The following HDAC9 variants were observed in gnomAD, a reference collection of about 807,000 sequenced individuals.
The protein encoded by HDAC9 is MEF-2 interacting transcription repressor (MITR) protein.
A neutral mutation model predicts 139.4 loss-of-function variants in HDAC9; 41 were observed. The ratio of observed to expected loss-of-function variants is 0.29; its 90% confidence interval spans 0.23 to 0.38. The LOEUF (loss-of-function observed/expected upper bound fraction) is 0.38, where lower values mean the gene tolerates loss of function less well. Among genes scored for constraint, HDAC9 ranks in the 10% least tolerant of loss-of-function variants. The pLI, the probability that HDAC9 is intolerant of heterozygous loss-of-function variation, is 1.00. For missense variants in HDAC9, 1,147 were observed against 1,297.0 expected (o/e 0.88, Z 1.78); for synonymous variants, 517 against 476.2 (o/e 1.09, Z -1.12).
At chr7:18,574,684 G>A (rs556976926) in intron 2 of HDAC9, among the ~76,000 whole-genome samples, 1 of 152,346 alleles carries the variant, frequency 6.6e-6, no homozygotes, top group South Asian at 2.1e-4. Flanking sequence ...GCTCTTTGGT[G>A]CCCAAGTCCA....
Position 18,569,198 on chromosome 7 carries a change from G to T in HDAC9, c.23-16083G>T, listed in dbSNP as rs148364335. On this transcript the variant is annotated intron_variant, in intron 2 of 25. Coordinates refer to ENST00000686413, the MANE Select transcript of HDAC9 (RefSeq NM_178425.4). Reference sequence around the variant, plus strand: ...TGGCATTCAATTCTGACTTTTTAGTGCAAAAGCAGCTATACACAGTAAGTC... The same window carrying T: ...TGGCATTCAATTCTGACTTTTTAGTTCAAAAGCAGCTATACACAGTAAGTC... Among the ~76,000 whole-genome samples, 1,433 of 152,250 alleles carry T rather than the reference G, an allele frequency of 9.4e-3. 5 individuals carry two copies. The highest frequency in any genetic ancestry group is 0.015 in the Non-Finnish European group (1,017 of 68,006).
At chr7:18,498,745 C>T (rs1797612902) in intron 2 of HDAC9, among the ~76,000 whole-genome samples, 1 of 151,994 alleles carries the variant, frequency 6.6e-6, no homozygotes, top group East Asian at 1.9e-4. Context: ...TTTTACTCAT[C>T]TTCAAACTGA....
At chr7:18,239,797 C>T (rs775840232) in intron 2 of HDAC9, among the ~76,000 whole-genome samples, 1 of 152,056 alleles carries the variant, frequency 6.6e-6, no homozygotes, top group Non-Finnish European at 1.5e-5. Context: ...TTAATAGTTC[C>T]TGGAATTTTA....
At chr7:18,216,680 A>G (rs1792338667) in intron 2 of HDAC9, among the ~76,000 whole-genome samples, 1 of 152,138 alleles carries the variant, frequency 6.6e-6, no homozygotes, top group African/African-American at 2.4e-5. Context: ...GGGATTTCTG[A>G]TGTAAACACA....
Position 18,513,913 on chromosome 7 carries a change from A to G in HDAC9, c.22+17589A>G, listed in dbSNP as rs531997474. On this transcript the variant is annotated intron_variant, in intron 2 of 25. Coordinates refer to ENST00000686413, the MANE Select transcript of HDAC9 (RefSeq NM_178425.4). ...TTTGATACTGCTAGTTTATAATCCTACAGATTTTAGGTTTAGAAACCCATT... is the reference window on the plus strand; with the variant it reads ...TTTGATACTGCTAGTTTATAATCCTGCAGATTTTAGGTTTAGAAACCCATT... Among the ~76,000 whole-genome samples the G allele has an allele frequency of 1.5e-4, 23 of 152,332 alleles. No homozygotes were observed. The South Asian group carries it at 4.6e-3, about 30-fold the overall frequency.
chr7:18,245,138 T>C (rs1460225035), intron 2 of HDAC9, among the ~76,000 whole-genome samples: 2 of 152,142 alleles, frequency 1.3e-5, no homozygotes, highest in Non-Finnish European at 2.9e-5. Flanking sequence ...GTGGGGCCAA[T>C]TTGATTTGGA....
At chr7:18,111,590 A>G (rs979447627) in intron 1 of HDAC9, among the ~76,000 whole-genome samples, 6 of 152,220 alleles carry the variant, frequency 3.9e-5, no homozygotes, top group African/African-American at 1.2e-4. Context: ...TCGTCTCTAT[A>G]TTACTAATAA....
intron 1 of HDAC9, among the ~76,000 whole-genome samples, chr7:18,327,010 T>C (rs2128642808): frequency 6.6e-6 from 1 of 152,024 alleles, no homozygotes; most frequent in East Asian, 1.9e-4. Context: ...GAAGGAATTC[T>C]TTTTTTATAG....
Position 18,593,908 on chromosome 7 carries a change from G to A in HDAC9, c.543G>A (p.Thr181=). 6.2e-7 allele frequency: 1 copy of A among 1,612,310 alleles called. No individual in the cohort carries two copies. The highest frequency in any genetic ancestry group is 1.3e-5 in the African/African-American group (1 of 74,880). The stretch of plus-strand genomic sequence containing the variant: ...AGTGAAACTTCCTTGTCTTTTCTAG[G>A]GCTGCCCACCACACATCATTGGATC... ...SVSRHPKLWY[T]AAHHTSLDQS... is the part of the protein sequence containing the mutation. Residue 181 remains threonine, a splice_region_variant and synonymous_variant, in exon 6 of 26, where the codon ACG becomes ACA. Coordinates refer to ENST00000686413, the MANE Select transcript of HDAC9 (RefSeq NM_178425.4).
intron 12 of HDAC9, among the ~76,000 whole-genome samples, chr7:18,711,427 T>C (rs950982122): frequency 1.3e-5 from 2 of 152,194 alleles, no homozygotes; most frequent in Non-Finnish European, 2.9e-5. Flanking sequence ...TGTTTACAAA[T>C]AAGCTCATAT....
intron 1 of HDAC9, among the ~76,000 whole-genome samples, chr7:18,120,490 C>G (rs992119032): frequency 6.6e-6 from 1 of 152,146 alleles, no homozygotes; most frequent in Non-Finnish European, 1.5e-5. Context: ...TCCCCAAACA[C>G]AAACCTTTTC....
At chr7:18,468,853 G>C (rs1378923403) in intron 1 of HDAC9, among the ~76,000 whole-genome samples, 1 of 152,130 alleles carries the variant, frequency 6.6e-6, no homozygotes, top group Non-Finnish European at 1.5e-5. Flanking sequence ...TATATTCTCT[G>C]AGCCTCCAGA....
In HDAC9 at chr7:18,735,947, C is replaced by T. The variant is rs138679318; in HGVS notation, c.1909+8190C>T. ...TGTAGCTCTCCTTGAAGAGGTGTTT[C>T]ACATCCCTTGTAAGTTGTATTTCTA... On this transcript the variant is annotated intron_variant, in intron 13 of 25. Transcript: ENST00000686413. 8.6e-3 allele frequency among the ~76,000 whole-genome samples: 1,306 copies of T among 152,254 alleles called. 11 individuals carry two copies. Among genetic ancestry groups the T allele is most frequent in the African/African-American group, 0.024 (1,016 of 41,548 alleles).
chr7:18,516,116 C>G (rs1348348627), intron 2 of HDAC9, among the ~76,000 whole-genome samples: 3 of 152,124 alleles, frequency 2.0e-5, no homozygotes, highest in African/African-American at 7.2e-5. Context: ...ACAAAAATGG[C>G]TTTGCAGCTG....
intron 25 of HDAC9, among the ~76,000 whole-genome samples, chr7:18,994,585 A>C (rs1251281098): frequency 1.3e-5 from 2 of 152,052 alleles, no homozygotes; most frequent in Non-Finnish European, 2.9e-5. Flanking sequence ...ACAATAAATA[A>C]TGAAGACTTA....
chr7:18,591,517 G>T lies in HDAC9; in HGVS notation c.417G>T (p.Arg139Ser). Reference protein sequence around the residue: ...PLRGKDRGRERAVASTEVKQK... With the variant: ...PLRGKDRGRESAVASTEVKQK... ...TGTGTGTGTGTGTGTGTATTTCAGG[G>T]GCAGTGGCAAGTACAGAAGTAAAGC... Residue 139 changes from arginine to serine, a missense_variant and splice_region_variant, in exon 5 of 26, where the codon AGG becomes AGT. This residue lies in a region of HDAC9 where 136 missense variants were observed against 183.5 expected (regional missense o/e 0.74). Transcript: ENST00000686413. 3.2e-6 allele frequency: 5 copies of T among 1,569,772 alleles called. No individual in the cohort carries two copies. Among genetic ancestry groups the T allele is most frequent in the Non-Finnish European group, 4.3e-6 (5 of 1,158,596 alleles).
chr7:18,491,084 T>A (rs1796331428), upstream of HDAC9, among the ~76,000 whole-genome samples: 1 of 151,958 alleles, frequency 6.6e-6, no homozygotes, highest in South Asian at 2.1e-4. Flanking sequence ...TTTGCTTGTT[T>A]CCAGTTATCA....
chr7:18,330,043 C>T lies in HDAC9; in HGVS notation c.-42+39528C>T, dbSNP rs113481630. Among the ~76,000 whole-genome samples the T allele has an allele frequency of 6.6e-3, 999 of 151,250 alleles. 11 individuals are homozygous for T. The highest frequency in any genetic ancestry group is 0.023 in the African/African-American group (931 of 41,278). On this transcript the variant is annotated intron_variant, in intron 1 of 3. Transcript: ENST00000413509. ...GAATAATGGGAAGGTATGATACCCACCTCTCATACCTTGATGCTTTGGGAA... is the reference window on the plus strand; with the variant it reads ...GAATAATGGGAAGGTATGATACCCATCTCTCATACCTTGATGCTTTGGGAA...
chr7:18,600,009 A>G (rs1432369326), intron 6 of HDAC9, among the ~76,000 whole-genome samples: 1 of 151,048 alleles, frequency 6.6e-6, no homozygotes, highest in Non-Finnish European at 1.5e-5. Flanking sequence ...TCTAATACGT[A>G]TGTAGTGGTT....
Sources: allele counts gnomAD v4.1 joint callset (sites outside exome capture counted in the v4.1 genomes callset), GRCh38; gene constraint gnomAD v4.1.1; regional missense constraint gnomAD v4.1.1; transcripts MANE v1.5; gene names NCBI Gene and HGNC (gene_info 2026-07-23, HGNC 2026-07-21).